AXDND1: variants seen among roughly 807,000 people sequenced by gnomAD.
AXDND1 encodes the protein axonemal dynein light chain domain-containing protein 1.
Under a neutral mutation model 137.5 loss-of-function variants are expected in AXDND1, and 110 were observed. The observed-to-expected ratio is 0.80, with a 90% CI of 0.69 to 0.94. AXDND1 has a LOEUF of 0.94. Among genes scored for constraint, AXDND1 ranks in the 40% least tolerant of loss-of-function variants. The pLI is 0.00. For synonymous variants in AXDND1, 414 were observed against 399.7 expected (o/e 1.04, Z -0.43); for missense variants, 1,191 against 1,169.8 (o/e 1.02, Z -0.26).
chr1:179,442,440 C>G (rs909263068), intron 15 of AXDND1, among the ~76,000 whole-genome samples: 4 of 152,188 alleles, frequency 2.6e-5, no homozygotes, highest in African/African-American at 9.7e-5. Flanking sequence ...TTCTCCTGCT[C>G]TATCCCAATT....
At chr1:179,389,207 A>G (rs1261850616) in intron 9 of AXDND1, among the ~76,000 whole-genome samples, 2 of 152,072 alleles carry the variant, frequency 1.3e-5, no homozygotes, top group African/African-American at 4.8e-5. Flanking sequence ...TCCTAATTTC[A>G]GGTGGTCTGC....
At chr1:179,377,976 G>A (rs180791323) in intron 4 of AXDND1, among the ~76,000 whole-genome samples, 112 of 152,164 alleles carry the variant, frequency 7.4e-4, no homozygotes, top group Non-Finnish European at 1.4e-3. Context: ...TGAGACCAGC[G>A]TGGCCAACGT....
intron 12 of AXDND1, among the ~76,000 whole-genome samples, chr1:179,416,796 G>T (rs1040837754): frequency 6.6e-6 from 1 of 152,152 alleles, no homozygotes; most frequent in Admixed American, 6.5e-5. Flanking sequence ...AGCCTGGGGA[G>T]TAACAGTGCA....
intron 21 of AXDND1, among the ~76,000 whole-genome samples, chr1:179,513,662 G>T (rs1251853398): frequency 6.6e-6 from 1 of 151,970 alleles, no homozygotes; most frequent in South Asian, 2.1e-4. Context: ...TGAATGTCTG[G>T]TAGAATTCTG....
At chr1:179,539,420 A>G (rs895702026) in intron 25 of AXDND1, among the ~76,000 whole-genome samples, 8 of 152,188 alleles carry the variant, frequency 5.3e-5, no homozygotes, top group African/African-American at 1.9e-4. Context: ...GCTTGTCTGT[A>G]AAGGATTTTA....
intron 18 of AXDND1, among the ~76,000 whole-genome samples, chr1:179,486,119 C>CA (rs1173009992): frequency 0.11 from 2,500 of 22,356 alleles, 150 homozygotes; most frequent in Non-Finnish European, 0.16. Context: ...AACTCTGTCT[C>CA]AAAAAAAAAA....
At chr1:179,366,231 C>T (rs10913736) in intron 1 of AXDND1, 173 bp from the exon 2 acceptor site, 130,573 of 234,504 alleles carry the variant, frequency 0.56, 37,013 homozygotes, top group African/African-American at 0.65. Context: ...TCCTTGACCC[C>T]GACCTGACGG....
chr1:179,393,147 G>A (rs916764988), intron 9 of AXDND1, among the ~76,000 whole-genome samples: 4 of 152,110 alleles, frequency 2.6e-5, no homozygotes, highest in African/African-American at 9.7e-5. Context: ...TTTTGTATGA[G>A]GTGTGAGATG....
Position 179,528,453 on chromosome 1 carries a change from A to G in AXDND1, c.2715+22A>G, listed in dbSNP as rs780113714. 3.3e-6 allele frequency: 5 copies of G among 1,531,548 alleles called. No homozygotes were observed. The South Asian group carries it at 4.5e-5, about 14-fold the overall frequency. 94.9% of individuals were successfully genotyped at this position (1,531,548 alleles called of 1,614,324 possible). Reference sequence around the variant, plus strand: ...CTGGGTATGTATCTGAAACCCAGCTAGGGAATTCAACACTATTTAACATTG... The same window carrying G: ...CTGGGTATGTATCTGAAACCCAGCTGGGGAATTCAACACTATTTAACATTG... On this transcript the variant is annotated intron_variant, in intron 23 of 25. Transcript: ENST00000367618.
intron 18 of AXDND1, among the ~76,000 whole-genome samples, chr1:179,490,278 T>A (rs932313590): frequency 6.6e-6 from 1 of 152,086 alleles, no homozygotes; most frequent in Non-Finnish European, 1.5e-5. Flanking sequence ...CTTCTCAGAG[T>A]AGATCATGTT....
At chr1:179,540,090 G>T (rs529872121) in intron 25 of AXDND1, among the ~76,000 whole-genome samples, 1 of 151,856 alleles carries the variant, frequency 6.6e-6, no homozygotes. Flanking sequence ...TAGCCATTTC[G>T]TCTAATCTTT....
At chr1:179,416,051 C>T (rs1217063852) in intron 12 of AXDND1, among the ~76,000 whole-genome samples, 1 of 152,080 alleles carries the variant, frequency 6.6e-6, no homozygotes, top group African/African-American at 2.4e-5. Flanking sequence ...TCTGTTAAAT[C>T]ATATACTTGT....
chr1:179,503,042 G>A (rs1668173106), intron 20 of AXDND1, among the ~76,000 whole-genome samples: 1 of 151,106 alleles, frequency 6.6e-6, no homozygotes, highest in Non-Finnish European at 1.5e-5. Context: ...TTGCGGTGAG[G>A]TGAGATCGTG....
intron 15 of AXDND1, among the ~76,000 whole-genome samples, chr1:179,441,968 A>T (rs888050802): frequency 1.3e-5 from 2 of 152,218 alleles, no homozygotes; most frequent in African/African-American, 4.8e-5. Flanking sequence ...AGCAATCTTA[A>T]GGTGAATGGG....
chr1:179,445,205 G>A lies in AXDND1; in HGVS notation c.1798+1G>A, dbSNP rs1354119700. 1.3e-6 allele frequency: 2 copies of A among 1,514,554 alleles called. No individual in the cohort carries two copies. Among genetic ancestry groups the A allele is most frequent in the Non-Finnish European group, 1.8e-6 (2 of 1,111,356 alleles). 93.8% of individuals were successfully genotyped at this position (1,514,554 alleles called of 1,614,324 possible). A position where few individuals can be genotyped will look rare whatever the true frequency, so the allele number is the denominator to read the frequency against. ...GAAATAAGAATAAATGGGGACAATG[G>A]TAAGAAAATACTCATAATAATTAGA... On this transcript the variant is annotated splice_donor_variant, in intron 16 of 25. Transcript: ENST00000367618. LOFTEE classifies it high-confidence loss of function.
intron 12 of AXDND1, among the ~76,000 whole-genome samples, chr1:179,417,869 T>G (rs1404002141): frequency 1.3e-5 from 2 of 152,086 alleles, no homozygotes. Context: ...CCATTTTTTA[T>G]GTCTTTTTTT....
At position 179,523,517 on chromosome 1, in the gene AXDND1, C is replaced by T. The variant is rs59041949; in HGVS notation, c.2497-1817C>T. Among the ~76,000 whole-genome samples the T allele has an allele frequency of 3.5e-3, 535 of 152,240 alleles. 8 individuals are homozygous for T. The highest frequency in any genetic ancestry group is 0.012 in the African/African-American group (502 of 41,538). On this transcript the variant is annotated intron_variant, in intron 21 of 25. Coordinates refer to ENST00000367618, the MANE Select transcript of AXDND1 (RefSeq NM_144696.6). ...ATCATTCCCAAAAAGAAAATCCATA[C>T]TGGTTAGCAGTCACTCAAATTTCCC...
Position 179,483,131 on chromosome 1 carries a change from A to G in AXDND1, c.2001A>G (p.Val667=). Residue 667 remains valine, a synonymous_variant, in exon 18 of 26, where the codon GTA becomes GTG. Coordinates refer to ENST00000367618, the MANE Select transcript of AXDND1 (RefSeq NM_144696.6). The part of the protein sequence containing the change: ...PQHIDVDSVS[V]LQAYIFNMIQ... ...TTTTACTTGATTTTTCCTTCAGGGT[A>G]CTCCAAGCGTATATATTTAACATGA... 2 of 1,581,994 alleles carry G rather than the reference A, an allele frequency of 1.3e-6. No individual in the cohort carries two copies. The highest frequency in any genetic ancestry group is 8.6e-7 in the Non-Finnish European group (1 of 1,161,588).
chr1:179,468,751 G>A, intron 17 of AXDND1, 110 bp downstream of exon 17: 1 of 827,952 alleles, frequency 1.2e-6, no homozygotes, highest in Non-Finnish European at 1.7e-6. Context: ...GTGGTGTTCA[G>A]TATATTTATA....
Sources: allele counts gnomAD v4.1 joint callset (sites outside exome capture counted in the v4.1 genomes callset), GRCh38; gene constraint gnomAD v4.1.1; transcripts MANE v1.5; gene names NCBI Gene and HGNC (gene_info 2026-07-23, HGNC 2026-07-21).